LPP: variants seen among roughly 807,000 people sequenced by gnomAD.
LPP encodes LIM domain containing preferred translocation partner in lipoma, also known as lipoma-preferred partner.
In LPP, 38 loss-of-function variants were observed where a neutral mutation model predicts 60.4. The observed-to-expected ratio is 0.63, with a 90% CI of 0.49 to 0.83. The LOEUF is 0.83. Ranked by LOEUF, LPP falls within the 40% of genes least tolerant of loss-of-function variation. LPP has a pLI of 0.00. For synonymous variants in LPP, 328 were observed against 290.8 expected (o/e 1.13, Z -1.30); for missense variants, 902 against 783.6 (o/e 1.15, Z -1.80).
At chr3:188,183,372 C>T (rs1725676966) in intron 1 of LPP, among the ~76,000 whole-genome samples, 1 of 152,212 alleles carries the variant, frequency 6.6e-6, no homozygotes, top group Non-Finnish European at 1.5e-5. Context: ...CATCTGGTGT[C>T]TTCCTTTATC....
chr3:188,517,317 A>C (rs1817642607), intron 5 of LPP, among the ~76,000 whole-genome samples: 1 of 152,218 alleles, frequency 6.6e-6, no homozygotes, highest in African/African-American at 2.4e-5. Flanking sequence ...ATAGACAAAT[A>C]AATATTGATT....
intron 4 of LPP, among the ~76,000 whole-genome samples, chr3:188,452,036 T>A (rs1353942590): frequency 1.3e-5 from 2 of 152,174 alleles, no homozygotes; most frequent in Admixed American, 6.5e-5. Context: ...TTTTGTGTGT[T>A]TTCAGAGAGA....
intron 9 of LPP, among the ~76,000 whole-genome samples, chr3:188,776,250 G>A (rs985122482): frequency 6.6e-6 from 1 of 152,204 alleles, no homozygotes; most frequent in African/African-American, 2.4e-5. Context: ...GACTGGCATC[G>A]AGAAAGACCT....
intron 2 of LPP, among the ~76,000 whole-genome samples, chr3:188,285,222 C>T (rs1317208637): frequency 1.3e-5 from 2 of 151,924 alleles, no homozygotes; most frequent in African/African-American, 4.8e-5. Context: ...TATTGTTGGT[C>T]GTAGGATAAT....
At chr3:188,299,992 A>G (rs1025126725) in intron 2 of LPP, among the ~76,000 whole-genome samples, 2 of 152,352 alleles carry the variant, frequency 1.3e-5, no homozygotes, top group Non-Finnish European at 2.9e-5. Context: ...TTGTAATCTC[A>G]ACAAAGGGAC....
chr3:188,425,997 T>C (rs1006382453), intron 4 of LPP, among the ~76,000 whole-genome samples: 1 of 152,230 alleles, frequency 6.6e-6, no homozygotes, highest in Non-Finnish European at 1.5e-5. Flanking sequence ...CTGCTAGCTT[T>C]TGAATTTGTT....
chr3:188,290,048 G>T (rs568528917), intron 2 of LPP, among the ~76,000 whole-genome samples: 2 of 151,986 alleles, frequency 1.3e-5, no homozygotes, highest in East Asian at 3.9e-4. Flanking sequence ...GAGTGCAGTG[G>T]CGCAACCTTG....
intron 8 of LPP, among the ~76,000 whole-genome samples, chr3:188,731,516 T>TGTTTTG (rs113613140): frequency 2.1e-5 from 3 of 145,700 alleles, no homozygotes; most frequent in South Asian, 2.2e-4. Context: ...TTTTTTGTTT[T>TGTTTTG]TTTTGTTTTG....
At chr3:188,594,905 T>G (rs554430241) in intron 6 of LPP, among the ~76,000 whole-genome samples, 6 of 152,194 alleles carry the variant, frequency 3.9e-5, no homozygotes, top group Non-Finnish European at 7.4e-5. Flanking sequence ...CATATAGGAC[T>G]TTTATCATGA....
At chr3:188,782,400 T>C (rs1740091309) in intron 9 of LPP, among the ~76,000 whole-genome samples, 1 of 152,186 alleles carries the variant, frequency 6.6e-6, no homozygotes, top group African/African-American at 2.4e-5. Context: ...GTGAAAGGGA[T>C]CAAGTTTCTT....
chr3:188,707,488 C>A (rs1202653186), intron 7 of LPP, among the ~76,000 whole-genome samples: 1 of 152,222 alleles, frequency 6.6e-6, no homozygotes, highest in Non-Finnish European at 1.5e-5. Flanking sequence ...CTCTCACCCA[C>A]CCATTTCAAC....
intron 9 of LPP, among the ~76,000 whole-genome samples, chr3:188,802,505 G>A (rs1017080458): frequency 5.3e-5 from 8 of 152,176 alleles, no homozygotes; most frequent in African/African-American, 1.9e-4. Flanking sequence ...TTTAATGGCT[G>A]GGCACGGTGG....
At chr3:188,613,548 G>T (rs1327181814) in intron 7 of LPP, among the ~76,000 whole-genome samples, 1 of 152,098 alleles carries the variant, frequency 6.6e-6, no homozygotes, top group Non-Finnish European at 1.5e-5. Flanking sequence ...TTCCAGGGAA[G>T]TTGGAGAATC....
chr3:188,867,631 A>G (rs551103829), intron 10 of LPP, among the ~76,000 whole-genome samples: 12 of 152,350 alleles, frequency 7.9e-5, no homozygotes, highest in African/African-American at 2.9e-4. Flanking sequence ...GGCATGAACC[A>G]CTGTGCCCAG....
At chr3:188,859,089 TAAA>T (rs35722501) in intron 9 of LPP, among the ~76,000 whole-genome samples, 15,913 of 103,874 alleles carry the variant, frequency 0.15, 1,272 homozygotes, top group Non-Finnish European at 0.19. Context: ...ACTCTGTCTT[TAAA>T]AAAAAAAAAA....
intron 4 of LPP, among the ~76,000 whole-genome samples, chr3:188,446,438 C>T (rs1341327732): frequency 1.3e-5 from 2 of 152,146 alleles, no homozygotes; most frequent in Non-Finnish European, 2.9e-5. Flanking sequence ...GTCATTGTAA[C>T]CTGTTGGTTA....
intron 3 of LPP, among the ~76,000 whole-genome samples, chr3:188,376,952 C>T (rs1775301145): frequency 6.6e-6 from 1 of 152,118 alleles, no homozygotes; most frequent in Non-Finnish European, 1.5e-5. Context: ...TTTTATTTCT[C>T]CTTCACTTAT....
chr3:188,659,728 C>T (rs892868812), intron 7 of LPP, among the ~76,000 whole-genome samples: 18 of 151,958 alleles, frequency 1.2e-4, no homozygotes, highest in African/African-American at 3.6e-4. Context: ...TCTCATGGAA[C>T]CCATTGTGCA....
chr3:188,223,706 T>C (rs1368260820), intron 1 of LPP, among the ~76,000 whole-genome samples: 1 of 152,186 alleles, frequency 6.6e-6, no homozygotes, highest in African/African-American at 2.4e-5. Flanking sequence ...TTGCTGCTGT[T>C]GTAGAAACTG....
Sources: gnomAD v4.1 joint callset for allele counts (sites outside exome capture counted in the v4.1 genomes callset) on GRCh38, gnomAD v4.1.1 for gene constraint, MANE v1.5 for transcripts, NCBI Gene and HGNC (gene_info 2026-07-23, HGNC 2026-07-21) for gene names.